Variants in PCDHGB7 observed in about 807,000 individuals in gnomAD.
PCDHGB7 encodes the protein protocadherin gamma subfamily B, 7.
A neutral mutation model predicts 61.4 loss-of-function variants in PCDHGB7; 37 were observed. The observed-to-expected ratio is 0.60, with a 90% CI of 0.46 to 0.79. The LOEUF is 0.79. PCDHGB7 is among the 30% of genes least tolerant of loss of function. The pLI, the probability that PCDHGB7 is intolerant of heterozygous loss-of-function variation, is 0.00. For missense variants in PCDHGB7, 1,166 were observed against 1,202.5 expected (o/e 0.97, Z 0.45); for synonymous variants, 464 against 503.5 (o/e 0.92, Z 1.05).
intron 1 of PCDHGB7, among the ~76,000 whole-genome samples, chr5:141,434,245 T>G (rs921135977): frequency 3.3e-5 from 5 of 152,224 alleles, no homozygotes; most frequent in African/African-American, 1.2e-4. Context: ...CTAGATGACT[T>G]GGGCATTGTG....
intron 1 of PCDHGB7, chr5:141,422,190 A>G (rs761351024): frequency 6.4e-7 from 1 of 1,561,412 alleles, no homozygotes. Flanking sequence ...TGGAAATTCA[A>G]GGCCAAGATG....
chr5:141,430,245 G>C (rs1000418420), intron 1 of PCDHGB7, among the ~76,000 whole-genome samples: 1 of 104,402 alleles, frequency 9.6e-6, no homozygotes, highest in African/African-American at 6.4e-5. Flanking sequence ...GAAACTCCTA[G>C]GGAGACATCT....
intron 1 of PCDHGB7, chr5:141,423,640 T>C: frequency 6.3e-7 from 1 of 1,597,848 alleles, no homozygotes; most frequent in Non-Finnish European, 8.5e-7. Flanking sequence ...TTTAGGCAAA[T>C]GTGACCCGAC....
intron 1 of PCDHGB7, chr5:141,421,262 GGCT>G (rs748368476): frequency 2.1e-5 from 34 of 1,608,226 alleles, no homozygotes; most frequent in Admixed American, 5.1e-5. Flanking sequence ...GACCGCAGTC[GGCT>G]GCTGCTGCTG....
chr5:141,428,587 G>C (rs914718913), intron 1 of PCDHGB7: 6 of 226,650 alleles, frequency 2.6e-5, no homozygotes, highest in Non-Finnish European at 5.3e-5. Flanking sequence ...AGTTTCTCTG[G>C]TAGCAAGCTT....
intron 2 of PCDHGB7, among the ~76,000 whole-genome samples, chr5:141,502,537 G>A (rs900570745): frequency 2.0e-5 from 3 of 152,042 alleles, no homozygotes; most frequent in Admixed American, 6.6e-5. Context: ...GTTTGTTCGT[G>A]TGGTAAAAAC....
At position 141,511,262 on chromosome 5, in the gene PCDHGB7, G is replaced by A; in HGVS notation, c.*89G>A. 1 of 1,556,036 alleles carries A rather than the reference G, an allele frequency of 6.4e-7. No individual in the cohort carries two copies. The highest frequency in any genetic ancestry group is 8.7e-7 in the Non-Finnish European group (1 of 1,150,444). On this transcript the variant is annotated 3_prime_UTR_variant, in exon 4 of 4. Transcript: ENST00000398594. ...TGCACCCAGGCCTCAGAGTTTCAGG[G>A]CTAACCCCCAGAATACTGGTAGGGG...
intron 1 of PCDHGB7, chr5:141,424,728 G>A (rs907091181): frequency 1.3e-5 from 2 of 152,102 alleles, no homozygotes; most frequent in African/African-American, 2.4e-5. Flanking sequence ...GGGAGTCATA[G>A]ATTCCTTCTT....
chr5:141,477,063 A>G lies in PCDHGB7; in HGVS notation c.2416-17744A>G, dbSNP rs2099404387. 6.2e-7 allele frequency: 1 copy of G among 1,614,248 alleles called. No individual in the cohort carries two copies. On this transcript the variant is annotated intron_variant, in intron 1 of 3. Coordinates refer to ENST00000398594, the MANE Select transcript of PCDHGB7 (RefSeq NM_018927.4). The surrounding 1 kb of genome is among the most constrained non-coding windows in gnomAD (Gnocchi z 4.9). Reference sequence around the variant, plus strand: ...GGTCGGCTGGACTTCGAGGACACCAAACTCCATGAGATTTACATCCAGGCC... The same window carrying G: ...GGTCGGCTGGACTTCGAGGACACCAGACTCCATGAGATTTACATCCAGGCC...
At chr5:141,492,423 G>C (rs1164828445) in intron 1 of PCDHGB7, among the ~76,000 whole-genome samples, 1 of 152,222 alleles carries the variant, frequency 6.6e-6, no homozygotes, top group African/African-American at 2.4e-5. Context: ...CCCTCCGCCG[G>C]GCTCAGGAGT....
Position 141,491,665 on chromosome 5 carries a change from C to T in PCDHGB7, c.2416-3142C>T, listed in dbSNP as rs749918160. 6.2e-7 allele frequency: 1 copy of T among 1,613,764 alleles called. No homozygotes were observed. The highest frequency in any genetic ancestry group is 8.5e-7 in the Non-Finnish European group (1 of 1,180,000). On this transcript the variant is annotated intron_variant, in intron 1 of 3. Transcript: ENST00000398594. The surrounding 1 kb of genome is among the most constrained non-coding windows in gnomAD (Gnocchi z 6.9). ...TCTGGCGCTGGAGCCTGACGCCATCCGGTCCCGCTCTAATACGCTGCGGGA... is the reference window on the plus strand; with the variant it reads ...TCTGGCGCTGGAGCCTGACGCCATCTGGTCCCGCTCTAATACGCTGCGGGA...
intron 1 of PCDHGB7, chr5:141,423,382 C>A (rs1244632347): frequency 6.2e-7 from 1 of 1,614,118 alleles, no homozygotes; most frequent in Admixed American, 1.7e-5. Context: ...CAGGCTGTGG[C>A]GCTGGCATAA....
At chr5:141,495,463 G>T (rs1562169154) in intron 2 of PCDHGB7, among the ~76,000 whole-genome samples, 1 of 152,114 alleles carries the variant, frequency 6.6e-6, no homozygotes, top group Non-Finnish European at 1.5e-5. Context: ...TCTGTCTGTG[G>T]GGTCTCCGTG....
chr5:141,477,262 C>A lies in PCDHGB7; in HGVS notation c.2416-17545C>A, dbSNP rs60063068. 1.2e-5 allele frequency: 19 copies of A among 1,614,020 alleles called. No homozygotes were observed. The East Asian group carries it at 4.2e-4, about 36-fold the overall frequency. On this transcript the variant is annotated intron_variant, in intron 1 of 3. Transcript: ENST00000398594. This position sits in a 1 kb window ranked among gnomAD's most constrained non-coding sequence, Gnocchi z 4.9. ...TCAGTGTGACTGACCTGGATGCTGG[C>A]GAGAACGGGCTGGTGACCTGCGAAG...
At position 141,490,221 on chromosome 5, in the gene PCDHGB7, G is replaced by A; in HGVS notation, c.2416-4586G>A. 6.2e-7 allele frequency: 1 copy of A among 1,614,236 alleles called. No individual in the cohort carries two copies. The highest frequency in any genetic ancestry group is 1.1e-5 in the South Asian group (1 of 91,084). ...ATGCAAGAGCCCGTGACCAGGGACAGCCTGCCATGGAGGGCCACTGTGTGA... is the reference window on the plus strand; with the variant it reads ...ATGCAAGAGCCCGTGACCAGGGACAACCTGCCATGGAGGGCCACTGTGTGA... On this transcript the variant is annotated intron_variant, in intron 1 of 3. Transcript: ENST00000398594. The surrounding 1 kb of genome is among the most constrained non-coding windows in gnomAD (Gnocchi z 5.4).
intron 1 of PCDHGB7, among the ~76,000 whole-genome samples, chr5:141,472,409 C>T (rs2099279484): frequency 6.6e-6 from 1 of 152,016 alleles, no homozygotes; most frequent in South Asian, 2.1e-4. Flanking sequence ...GGCGTGGTGG[C>T]ACGCACCTGT....
At position 141,493,188 on chromosome 5, in the gene PCDHGB7, C is replaced by T. The variant is rs1292810486; in HGVS notation, c.2416-1619C>T. Among the ~76,000 whole-genome samples the T allele has an allele frequency of 2.6e-5, 4 of 152,216 alleles. No individual in the cohort carries two copies. Among genetic ancestry groups the T allele is most frequent in the Non-Finnish European group, 4.4e-5 (3 of 68,046 alleles). ...ATTGAGAGAAACTTACTATATAACT[C>T]CTTTGAGAACCTCATCTCATTTGCT... On this transcript the variant is annotated intron_variant, in intron 1 of 3. Coordinates refer to ENST00000398594, the MANE Select transcript of PCDHGB7 (RefSeq NM_018927.4). The surrounding 1 kb of genome is among the most constrained non-coding windows in gnomAD (Gnocchi z 4.3).
Position 141,417,710 on chromosome 5 carries a change from T to A in PCDHGB7, c.-150T>A. 1.6e-6 allele frequency: 2 copies of A among 1,249,348 alleles called. No homozygotes were observed. The highest frequency in any genetic ancestry group is 5.9e-5 in the Admixed American group (2 of 33,852). 77.4% of individuals were successfully genotyped at this position (1,249,348 alleles called of 1,614,324 possible). A position where few individuals can be genotyped will look rare whatever the true frequency, so the allele number is the denominator to read the frequency against. ...AGAAAACCAGCTCCCACACAGAGGC[T>A]CCCGGCTGCGCAGACCTTGCCCAGC... On this transcript the variant is annotated 5_prime_UTR_variant, in exon 1 of 4. Coordinates refer to ENST00000398594, the MANE Select transcript of PCDHGB7 (RefSeq NM_018927.4).
chr5:141,478,049 A>G, intron 1 of PCDHGB7: 2 of 1,614,056 alleles, frequency 1.2e-6, no homozygotes, highest in Middle Eastern at 3.3e-4. Flanking sequence ...GCAGACTCTC[A>G]CGGTCTTGAT....
Sources: gnomAD v4.1 joint callset for allele counts (sites outside exome capture counted in the v4.1 genomes callset) on GRCh38, gnomAD v4.1.1 for gene constraint, Gnocchi (gnomAD v3.1) non-coding constraint, MANE v1.5 for transcripts, NCBI Gene and HGNC (gene_info 2026-07-23, HGNC 2026-07-21) for gene names.